The following TCF7 variants were observed in gnomAD, a reference collection of about 807,000 sequenced individuals.
TCF7 encodes the protein transcription factor 7, also known as T-cell-factor-7.
In TCF7, 19 loss-of-function variants were observed where a neutral mutation model predicts 46.8. The ratio of observed to expected loss-of-function variants is 0.41; its 90% CI spans 0.28 to 0.60. The LOEUF (loss-of-function observed/expected upper bound fraction) is 0.60, where lower values mean the gene tolerates loss of function less well. Ranked by LOEUF, TCF7 falls within the 20% of genes least tolerant of loss-of-function variation. TCF7 has a pLI of 0.35. For missense variants in TCF7, 547 were observed against 504.6 expected (o/e 1.08, Z -0.81); for synonymous variants, 245 against 213.4 (o/e 1.15, Z -1.29).
intron 9 of TCF7, chr5:134,145,683 T>A: frequency 2.5e-6 from 4 of 1,582,716 alleles, no homozygotes; most frequent in Non-Finnish European, 3.5e-6. Flanking sequence ...CACATACATA[T>A]GCACGGTGGG....
chr5:134,112,913 T>G (rs1755355375), upstream of TCF7, among the ~76,000 whole-genome samples: 1 of 152,134 alleles, frequency 6.6e-6, no homozygotes, highest in Admixed American at 6.5e-5. Flanking sequence ...GGACAGCTAT[T>G]CTGGAGGACG....
At chr5:134,118,818 G>A (rs905100733) in intron 3 of TCF7, among the ~76,000 whole-genome samples, 76 of 152,228 alleles carry the variant, frequency 5.0e-4, no homozygotes, top group African/African-American at 1.7e-3. Flanking sequence ...GTCTCACTCT[G>A]TTGCCCAGGC....
chr5:134,142,327 CA>C (rs1344039005), intron 6 of TCF7, 23 bp downstream of exon 6: 1 of 1,560,562 alleles, frequency 6.4e-7, no homozygotes, highest in Non-Finnish European at 8.7e-7. Flanking sequence ...ACAATGATGG[CA>C]GGGGGTGTGT....
chr5:134,108,880 A>G, the TCF7 span, among the ~76,000 whole-genome samples: 3 of 152,146 alleles, frequency 2.0e-5, no homozygotes, highest in Non-Finnish European at 2.9e-5. Context: ...CCCACCCGGA[A>G]AAGGCCACAT....
chr5:134,115,994 C>T lies in TCF7; in HGVS notation c.402C>T (p.Pro134=), dbSNP rs372168965. ...ATCTGCTCATGCATTACCCACCCCC[C>T]TCGGGAGCAGGGCAGCACCCCCAGC... is the stretch of plus-strand genomic sequence containing the variant. ...AFNLLMHYPP[P]SGAGQHPQPQ... The change falls in exon 3 of 10, where the codon CCC becomes CCT. Residue 134 remains proline, a synonymous_variant. Transcript: ENST00000342854. 2.8e-5 allele frequency: 45 copies of T among 1,613,602 alleles called. No homozygotes were observed. Among genetic ancestry groups the T allele is most frequent in the African/African-American group, 1.5e-4 (11 of 74,946 alleles).
At chr5:134,144,914 T>C (rs1169544688) in intron 9 of TCF7, 1 of 1,539,694 alleles carries the variant, frequency 6.5e-7, no homozygotes, top group Non-Finnish European at 9.0e-7. Context: ...TTAAGCTGCT[T>C]CCCTGACTCT....
Position 134,115,951 on chromosome 5 carries a change from CCGTCT to C in TCF7, c.360_364del (p.Val121LeufsTer69). The C allele has an allele frequency of 6.2e-7, 1 of 1,614,018 alleles. No homozygotes were observed. Among genetic ancestry groups the C allele is most frequent in the Non-Finnish European group, 8.5e-7 (1 of 1,180,018 alleles). On this transcript the variant is annotated frameshift_variant, in exon 3 of 10. Coordinates refer to ENST00000342854, the MANE Select transcript of TCF7 (RefSeq NM_003202.5). LOFTEE classifies it high-confidence loss of function. Reference sequence around the variant, plus strand: ...TGCACCAGCGGCATGTACAAAGAGACCGTCTACTCCGCCTTCAATCTGCTCATGCA... The same window carrying C: ...TGCACCAGCGGCATGTACAAAGAGACACTCCGCCTTCAATCTGCTCATGCA...
In TCF7 at chr5:134,116,166, A is replaced by G. The variant is rs1755812737; in HGVS notation, c.441+133A>G. ...TGTGCTGGTCTTTTCTCCCATACAC[A>G]CCCGGTGGGATCTGAACCAAAAGGA... On this transcript the variant is annotated intron_variant, in intron 3 of 9. Coordinates refer to ENST00000342854, the MANE Select transcript of TCF7 (RefSeq NM_003202.5). The G allele has an allele frequency of 4.9e-6, 7 of 1,425,762 alleles. No homozygotes were observed. The African/African-American group carries it at 7.3e-5, about 15-fold the overall frequency. The allele number at this position is 1,425,762 out of a possible 1,614,324, so 88.3% of individuals were successfully genotyped here.
intron 8 of TCF7, 118 bp downstream of exon 8, chr5:134,143,218 G>A (rs927717495): frequency 2.7e-6 from 3 of 1,129,444 alleles, no homozygotes; most frequent in Non-Finnish European, 3.8e-6. Context: ...CGATGAGGAA[G>A]GGCACGGAGG....
chr5:134,119,439 A>G (rs1467092198), intron 3 of TCF7, among the ~76,000 whole-genome samples: 1 of 152,202 alleles, frequency 6.6e-6, no homozygotes, highest in African/African-American at 2.4e-5. Context: ...TTATGAATAT[A>G]CTAAAAGCCA....
chr5:134,137,499 C>CGGGGGCT (rs1759072066), intron 3 of TCF7, among the ~76,000 whole-genome samples: 1 of 150,044 alleles, frequency 6.7e-6, no homozygotes, highest in Non-Finnish European at 1.5e-5. Flanking sequence ...ACAGGAAGTA[C>CGGGGGCT]GGGGGCTGGG....
At position 134,147,588 on chromosome 5, in the gene TCF7, C is replaced by A. The variant is rs1185149043; in HGVS notation, c.*1285C>A. ...AGTGGACAACAGGTTTTCACCATAGCCTACGTTAACCCATTTTTGAGCCAA... is the reference window on the plus strand; with the variant it reads ...AGTGGACAACAGGTTTTCACCATAGACTACGTTAACCCATTTTTGAGCCAA... On this transcript the variant is annotated 3_prime_UTR_variant, in exon 10 of 10. Transcript: ENST00000342854. The A allele has an allele frequency of 2.6e-5, 4 of 152,638 alleles. No homozygotes were observed. Among genetic ancestry groups the A allele is most frequent in the African/African-American group, 7.2e-5 (3 of 41,432 alleles). The allele number at this position is 152,638 out of a possible 1,614,324, so 9.5% of individuals were successfully genotyped here.
upstream of TCF7, among the ~76,000 whole-genome samples, chr5:134,113,757 G>C (rs927029425): frequency 2.0e-5 from 3 of 152,252 alleles, no homozygotes; most frequent in Admixed American, 6.5e-5. Context: ...ACTTTCCCGC[G>C]CTCCGCAAAT....
At chr5:134,142,074 C>T in intron 5 of TCF7, 111 bp from the exon 6 acceptor site, 2 of 1,469,630 alleles carry the variant, frequency 1.4e-6, no homozygotes, top group Non-Finnish European at 1.9e-6. Flanking sequence ...GATAGAGTAT[C>T]TATCTGTTCA....
chr5:134,137,901 G>C (rs1759133427), intron 3 of TCF7, 158 bp from the exon 4 acceptor site: 1 of 561,274 alleles, frequency 1.8e-6, no homozygotes, highest in South Asian at 2.7e-5. Flanking sequence ...AGTGGGCGGG[G>C]TACTGGACAC....
chr5:134,116,537 G>A (rs911793443), intron 3 of TCF7, among the ~76,000 whole-genome samples: 6 of 152,238 alleles, frequency 3.9e-5, no homozygotes, highest in African/African-American at 1.4e-4. Context: ...GGGCGTGAGT[G>A]TACCGTTGCC....
chr5:134,138,250 AT>A, intron 4 of TCF7, 86 bp downstream of exon 4: 1 of 1,237,956 alleles, frequency 8.1e-7, no homozygotes. Flanking sequence ...AGCTGGGTCC[AT>A]TTTATAACTG....
At chr5:134,130,472 A>AG (rs1323443285) in intron 3 of TCF7, among the ~76,000 whole-genome samples, 1 of 152,256 alleles carries the variant, frequency 6.6e-6, no homozygotes, top group Admixed American at 6.5e-5. Context: ...CCAAGGGCTG[A>AG]GACCAGCCTG....
chr5:134,115,599 C>T (rs1456698866), intron 2 of TCF7: 59 of 1,433,316 alleles, frequency 4.1e-5, no homozygotes, highest in Middle Eastern at 2.6e-4. Flanking sequence ...AGTAAACAGA[C>T]CCCCGCCATC....
Sources: gnomAD v4.1 joint callset for allele counts (sites outside exome capture counted in the v4.1 genomes callset) on GRCh38, gnomAD v4.1.1 for gene constraint, MANE v1.5 for transcripts, NCBI Gene and HGNC (gene_info 2026-07-23, HGNC 2026-07-21) for gene names.